The following NUP50 variants were observed in gnomAD, a reference collection of about 807,000 sequenced individuals.
The protein encoded by NUP50 is nuclear pore complex protein Nup50.
A neutral mutation model predicts 36.8 loss-of-function variants in NUP50; 14 were observed. The ratio of observed to expected loss-of-function variants is 0.38; its 90% confidence interval spans 0.25 to 0.59. The LOEUF (loss-of-function observed/expected upper bound fraction) is 0.59. Among genes scored for constraint, NUP50 ranks in the 20% least tolerant of loss-of-function variants. The pLI is 0.63. For synonymous variants in NUP50, 195 were observed against 210.8 expected (o/e 0.93, Z 0.65); for missense variants, 455 against 564.6 (o/e 0.81, Z 1.97).
chr22:45,175,536 C>T (rs2147684273), intron 3 of NUP50, among the ~76,000 whole-genome samples: 1 of 152,286 alleles, frequency 6.6e-6, no homozygotes, highest in African/African-American at 2.4e-5. Context: ...CATGAAGTAT[C>T]TTTCATTTGG....
At chr22:45,182,496 G>A (rs2147704494) in intron 6 of NUP50, among the ~76,000 whole-genome samples, 1 of 152,224 alleles carries the variant, frequency 6.6e-6, no homozygotes, top group Non-Finnish European at 1.5e-5. Context: ...AACCTCAGGA[G>A]ATGCATAGCA....
chr22:45,166,417 A>G (rs1247343713), intron 1 of NUP50: 1 of 150,956 alleles, frequency 6.6e-6, no homozygotes, highest in Non-Finnish European at 1.5e-5. Context: ...CCTCCGGAGT[A>G]GCTGGGATTA....
At position 45,178,688 on chromosome 22, in the gene NUP50, T is replaced by C. The variant is rs1245015268; in HGVS notation, c.791T>C (p.Leu264Pro). 1.2e-6 allele frequency: 2 copies of C among 1,612,236 alleles called. No homozygotes were observed. The highest frequency in any genetic ancestry group is 8.5e-7 in the Non-Finnish European group (1 of 1,179,852). ...ASEKKTDPSS[L>P]GATSASFNFG... Reference sequence around the variant, plus strand: ...GAAAAGAAAACGGACCCATCATCACTAGGAGCGACAAGTGCCTCATTTAAT... The same window carrying C: ...GAAAAGAAAACGGACCCATCATCACCAGGAGCGACAAGTGCCTCATTTAAT... The change falls in exon 5 of 8, where the codon CTA becomes CCA. Residue 264 changes from leucine to proline, a missense_variant. Leu to Pro is a moderately conservative substitution (Grantham distance 98, BLOSUM62 -3). Around this residue, in one of 3 missense-constraint regions of NUP50, gnomAD observed 287 missense variants for 345.5 expected, o/e 0.83. Coordinates refer to ENST00000347635, the MANE Select transcript of NUP50 (RefSeq NM_007172.4).
intron 7 of NUP50, 187 bp from the exon 8 acceptor site, chr22:45,184,266 G>A (rs2074432263): frequency 4.9e-6 from 3 of 610,068 alleles, no homozygotes; most frequent in Admixed American, 3.1e-5. Context: ...ACTCCTCACA[G>A]TGAGGGCAAG....
chr22:45,180,890 T>C lies in NUP50; in HGVS notation c.1004-396T>C, dbSNP rs1194878251. Reference sequence around the variant, plus strand: ...TATCTTTGGCTATTACTGATACTTGTAGATGTAGTCACAGGAATATTCAGG... The same window carrying C: ...TATCTTTGGCTATTACTGATACTTGCAGATGTAGTCACAGGAATATTCAGG... On this transcript the variant is annotated intron_variant, in intron 5 of 7. Coordinates refer to ENST00000347635, the MANE Select transcript of NUP50 (RefSeq NM_007172.4). Among the ~76,000 whole-genome samples, 4 of 152,170 alleles carry C rather than the reference T, an allele frequency of 2.6e-5. No individual in the cohort carries two copies. The South Asian group carries it at 8.3e-4, about 32-fold the overall frequency.
chr22:45,167,113 G>A (rs973056113), intron 1 of NUP50, among the ~76,000 whole-genome samples: 1 of 152,192 alleles, frequency 6.6e-6, no homozygotes, highest in East Asian at 1.9e-4. Context: ...CAATACACCA[G>A]AATAAGGAAG....
At chr22:45,182,079 G>A (rs905030384) in intron 6 of NUP50, among the ~76,000 whole-genome samples, 1 of 151,698 alleles carries the variant, frequency 6.6e-6, no homozygotes, top group Non-Finnish European at 1.5e-5. Flanking sequence ...TTTCTTCTGT[G>A]TTTAAATTTC....
intron 4 of NUP50, 72 bp downstream of exon 4, chr22:45,176,152 TC>T: frequency 6.7e-7 from 1 of 1,486,482 alleles, no homozygotes; most frequent in Non-Finnish European, 9.1e-7. Context: ...AAGATGTTTT[TC>T]TTATAGCTAC....
At chr22:45,182,155 A>G (rs190051904) in intron 6 of NUP50, among the ~76,000 whole-genome samples, 3 of 152,118 alleles carry the variant, frequency 2.0e-5, no homozygotes, top group Admixed American at 6.5e-5. Flanking sequence ...TTAGAATCAA[A>G]TGAGGCCAGG....
chr22:45,169,581 A>G (rs934390323), intron 2 of NUP50, among the ~76,000 whole-genome samples: 2 of 152,210 alleles, frequency 1.3e-5, no homozygotes, highest in Non-Finnish European at 2.9e-5. Context: ...TTTTAATATT[A>G]CTCTTTGTTG....
chr22:45,183,762 A>C, intron 7 of NUP50: 1 of 442,782 alleles, frequency 2.3e-6, no homozygotes, highest in East Asian at 4.0e-5. Context: ...TGTGACTAAG[A>C]AGCTAGAGAT....
chr22:45,179,967 T>C (rs1028271361), intron 5 of NUP50, among the ~76,000 whole-genome samples: 1 of 152,230 alleles, frequency 6.6e-6, no homozygotes, highest in African/African-American at 2.4e-5. Context: ...CTCTGAAATA[T>C]TACGGTTTTC....
rs554519215 is a variant in NUP50, at chr22:45,164,255, C to G, written c.-52C>G. On this transcript the variant is annotated 5_prime_UTR_variant, in exon 1 of 8. Coordinates refer to ENST00000347635, the MANE Select transcript of NUP50 (RefSeq NM_007172.4). ...TGCGCCGCTGCGCCCCGGGTTTCGC[C>G]GCAACCAAGACCCAGCGAGTGCAGC... 2 of 152,376 alleles carry G rather than the reference C, an allele frequency of 1.3e-5. No homozygotes were observed. The highest frequency in any genetic ancestry group is 1.3e-4 in the Admixed American group (2 of 15,288). The allele number at this position is 152,376 out of a possible 1,614,324, so 9.4% of individuals were successfully genotyped here.
At chr22:45,171,279 C>T in intron 2 of NUP50, 1 of 758,726 alleles carries the variant, frequency 1.3e-6, no homozygotes, top group Non-Finnish European at 1.8e-6. Flanking sequence ...TCACTGCAAC[C>T]TCCACCTCCC....
chr22:45,187,235 A>G lies in NUP50; in HGVS notation c.*2580A>G, dbSNP rs570462500. 1 of 149,346 alleles carries G rather than the reference A, an allele frequency of 6.7e-6. No individual in the cohort carries two copies. Among genetic ancestry groups the G allele is most frequent in the African/African-American group, 2.5e-5 (1 of 40,562 alleles). The allele number at this position is 149,346 out of a possible 1,614,324, so 9.3% of individuals were successfully genotyped here. A position where few individuals can be genotyped will look rare whatever the true frequency, so the allele number is the denominator to read the frequency against. ...TTGCGCATTCCTAGTAAGCAAAAAA[A>G]TTTGTTATGCCATCTTCATTATTCG... On this transcript the variant is annotated 3_prime_UTR_variant, in exon 8 of 8. Transcript: ENST00000347635.
At chr22:45,183,085 CGGGGGGG>C (rs60488848) in intron 6 of NUP50, among the ~76,000 whole-genome samples, 1 of 114,136 alleles carries the variant, frequency 8.8e-6, no homozygotes, top group Non-Finnish European at 1.8e-5. Flanking sequence ...GGGTTGGGGG[CGGGGGGG>C]GGGGGGGGTT....
rs1029552520 is a variant in NUP50 at position 45,186,548 on chromosome 22, C to G, written c.*1893C>G. On this transcript the variant is annotated 3_prime_UTR_variant, in exon 8 of 8. Coordinates refer to ENST00000347635, the MANE Select transcript of NUP50 (RefSeq NM_007172.4). ...ACACTTCAGTGTATATGACACAGTA[C>G]TTTGTTAGCGTCTGCGTGTGTATGG... 6.6e-6 allele frequency: 1 copy of G among 152,536 alleles called. No homozygotes were observed. The highest frequency in any genetic ancestry group is 2.4e-5 in the African/African-American group (1 of 41,428). The allele number at this position is 152,536 out of a possible 1,614,324, so 9.4% of individuals were successfully genotyped here.
chr22:45,168,043 T>C, intron 1 of NUP50, 125 bp from the exon 2 acceptor site: 1 of 701,700 alleles, frequency 1.4e-6, no homozygotes, highest in Non-Finnish European at 2.4e-6. Context: ...TTCCAGATGC[T>C]TTTTTTCCCT....
chr22:45,184,836 C>A lies in NUP50; in HGVS notation c.*181C>A. ...AAATGTTAAGTGTCAAGAAACTGCA[C>A]TCTCCCTTCTTAAGAACTGCCTAAA... On this transcript the variant is annotated 3_prime_UTR_variant, in exon 8 of 8. Coordinates refer to ENST00000347635, the MANE Select transcript of NUP50 (RefSeq NM_007172.4). The A allele has an allele frequency of 4.9e-6, 3 of 615,894 alleles. No homozygotes were observed. Among genetic ancestry groups the A allele is most frequent in the South Asian group, 2.0e-5 (1 of 49,112 alleles). 38.2% of individuals were successfully genotyped at this position (615,894 alleles called of 1,614,324 possible). A position where few individuals can be genotyped will look rare whatever the true frequency, so the allele number is the denominator to read the frequency against.
Sources: gnomAD v4.1 joint callset for allele counts (sites outside exome capture counted in the v4.1 genomes callset) on GRCh38, gnomAD v4.1.1 for gene constraint, gnomAD v4.1.1 regional missense constraint, MANE v1.5 for transcripts, NCBI Gene and HGNC (gene_info 2026-07-23, HGNC 2026-07-21) for gene names.